EDIL3: variants seen among roughly 807,000 people sequenced by gnomAD.
The protein encoded by EDIL3 is EGF-like repeat and discoidin I-like domain-containing protein 3.
A neutral mutation model predicts 67.4 loss-of-function variants in EDIL3; 37 were observed. The observed-to-expected ratio is 0.55, with a 90% CI of 0.42 to 0.72. The LOEUF (loss-of-function observed/expected upper bound fraction) is 0.72. EDIL3 is among the 30% of genes least tolerant of loss of function. The pLI is 0.00. For missense variants in EDIL3, 527 were observed against 586.3 expected, an observed-to-expected ratio of 0.90 and a Z score of 1.04; for synonymous variants, 195 against 196.3, an observed-to-expected ratio of 0.99 and a Z score of 0.05.
chr5:84,003,177 G>A (rs1032717158), intron 9 of EDIL3, among the ~76,000 whole-genome samples: 4 of 152,158 alleles, frequency 2.6e-5, no homozygotes, highest in South Asian at 4.1e-4. Context: ...CCAGGTCCCC[G>A]CTCTTCAACA....
intron 1 of EDIL3, among the ~76,000 whole-genome samples, chr5:84,314,786 CTAAGT>C (rs1305077558): frequency 2.6e-5 from 4 of 151,960 alleles, no homozygotes; most frequent in Non-Finnish European, 4.4e-5. Flanking sequence ...AATTCCATGC[CTAAGT>C]TAATAAATAT....
At chr5:84,117,017 CTTATTTT>C (rs1185070205) in intron 5 of EDIL3, among the ~76,000 whole-genome samples, 4 of 93,126 alleles carry the variant, frequency 4.3e-5, no homozygotes, top group African/African-American at 1.9e-4. Flanking sequence ...AAGTTAAGTA[CTTATTTT>C]TTTTTTTTTT....
intron 1 of EDIL3, among the ~76,000 whole-genome samples, chr5:84,262,824 T>G (rs1423990270): frequency 2.0e-5 from 3 of 151,552 alleles, no homozygotes; most frequent in Admixed American, 2.0e-4. Flanking sequence ...GCATGTGCCT[T>G]TATGCTCAGC....
rs1047310460 is a variant in EDIL3 at position 83,996,699 on chromosome 5, G to A, written c.1138-33339C>T. 2.6e-5 allele frequency among the ~76,000 whole-genome samples: 4 copies of A among 152,122 alleles called. No homozygotes were observed. In the East Asian group the frequency reaches 7.7e-4, roughly 29 times the overall value. ...AGGTAATGAGTGCTATGATGTGGGG[G>A]AATATTCCACAGGATGCAATAAAAG... On this transcript the variant is annotated intron_variant, in intron 9 of 10. Transcript: ENST00000296591.
chr5:84,327,420 T>C (rs968073628), intron 1 of EDIL3, among the ~76,000 whole-genome samples: 24 of 152,016 alleles, frequency 1.6e-4, no homozygotes, highest in Admixed American at 7.9e-4. Context: ...TTGTGCCTTT[T>C]TCATGCTTTT....
At chr5:84,120,639 TC>T (rs142791166) in intron 5 of EDIL3, among the ~76,000 whole-genome samples, 1,838 of 152,090 alleles carry the variant, frequency 0.012, 27 homozygotes, top group African/African-American at 0.041. Flanking sequence ...TTCCTAACCT[TC>T]CTATTAGTTT....
chr5:84,105,454 G>A (rs1293245992), intron 6 of EDIL3, among the ~76,000 whole-genome samples: 1 of 152,012 alleles, frequency 6.6e-6, no homozygotes, highest in Non-Finnish European at 1.5e-5. Flanking sequence ...AAGTATGGAA[G>A]TCTTGCCTCT....
intron 2 of EDIL3, among the ~76,000 whole-genome samples, chr5:84,233,989 T>C (rs551120195): frequency 3.4e-4 from 52 of 152,342 alleles, no homozygotes; most frequent in African/African-American, 1.1e-3. Flanking sequence ...TTCTTTGGAC[T>C]TCTAGTTCTA....
chr5:84,315,737 T>A (rs1027719034), intron 1 of EDIL3, among the ~76,000 whole-genome samples: 7 of 151,944 alleles, frequency 4.6e-5, no homozygotes, highest in African/African-American at 1.7e-4. Context: ...AGGCCAATAT[T>A]CAAATTCAGG....
At chr5:84,263,164 C>T (rs1441382606) in intron 1 of EDIL3, among the ~76,000 whole-genome samples, 6 of 152,164 alleles carry the variant, frequency 3.9e-5, no homozygotes, top group Non-Finnish European at 8.8e-5. Context: ...ATAGTTACCA[C>T]TGCTTGTTAG....
intron 9 of EDIL3, among the ~76,000 whole-genome samples, chr5:84,050,051 A>T (rs1475857730): frequency 1.3e-5 from 2 of 151,774 alleles, no homozygotes; most frequent in African/African-American, 4.8e-5. Flanking sequence ...TACAAAAATT[A>T]GCCGGGCATG....
intron 3 of EDIL3, chr5:84,196,858 C>T (rs1489591108): frequency 2.6e-5 from 4 of 151,812 alleles, no homozygotes; most frequent in Non-Finnish European, 4.4e-5. Flanking sequence ...GAAACAATAC[C>T]ATGCTTTTTT....
At chr5:84,218,622 C>G (rs1000871278) in intron 3 of EDIL3, among the ~76,000 whole-genome samples, 1 of 152,206 alleles carries the variant, frequency 6.6e-6, no homozygotes, top group Non-Finnish European at 1.5e-5. Flanking sequence ...AGCCCGATTC[C>G]AGGCCTTGGC....
intron 2 of EDIL3, among the ~76,000 whole-genome samples, chr5:84,232,699 A>G (rs1744607360): frequency 6.6e-6 from 1 of 152,188 alleles, no homozygotes; most frequent in Admixed American, 6.5e-5. Context: ...CTTCCTTGAT[A>G]TGGGTAGATG....
intron 1 of EDIL3, among the ~76,000 whole-genome samples, chr5:84,280,947 CAAAAAAAAAAA>C (rs11302104): frequency 2.8e-5 from 2 of 70,198 alleles, no homozygotes; most frequent in Non-Finnish European, 5.1e-5. Flanking sequence ...AAGACTCTGT[CAAAAAAAAAAA>C]AAAAAAAAAA....
intron 9 of EDIL3, among the ~76,000 whole-genome samples, chr5:84,028,792 C>T (rs1009289259): frequency 7.9e-5 from 12 of 151,806 alleles, no homozygotes; most frequent in African/African-American, 2.9e-4. Flanking sequence ...TATAATATTG[C>T]TTTGTACAAT....
chr5:84,167,818 C>A (rs1224464704), intron 4 of EDIL3, among the ~76,000 whole-genome samples: 1 of 152,050 alleles, frequency 6.6e-6, no homozygotes, highest in East Asian at 1.9e-4. Context: ...AAGTTTAAGT[C>A]TTTTCTACAT....
At chr5:84,090,856 G>A (rs896092829) in intron 6 of EDIL3, among the ~76,000 whole-genome samples, 2 of 151,822 alleles carry the variant, frequency 1.3e-5, no homozygotes, top group Admixed American at 6.6e-5. Context: ...GCTGAGGCAG[G>A]AGAATCGCTT....
chr5:83,940,740 G>A lies in EDIL3; in HGVS notation c.*2679C>T, dbSNP rs1200843402. The A allele has an allele frequency of 6.6e-6, 1 of 151,900 alleles. No individual in the cohort carries two copies. The allele number at this position is 151,900 out of a possible 1,614,324, so 9.4% of individuals were successfully genotyped here. ...TTGAAGGTTTGCAAAGGTTATTTGT[G>A]TCTTAGTTATTTCTGCACTTAATGA... On this transcript the variant is annotated 3_prime_UTR_variant, in exon 11 of 11. Transcript: ENST00000296591.
Sources: gnomAD v4.1 joint callset for allele counts (sites outside exome capture counted in the v4.1 genomes callset) on GRCh38, gnomAD v4.1.1 for gene constraint, MANE v1.5 for transcripts, NCBI Gene and HGNC (gene_info 2026-07-23, HGNC 2026-07-21) for gene names.